Variants in SCFD2 observed in about 807,000 individuals in gnomAD.
The protein encoded by SCFD2 is sec1 family domain containing 2, also known as sec1 family domain-containing protein 2.
SCFD2 carries 54 observed loss-of-function variants against 58.9 expected under a neutral mutation model. The ratio of observed to expected loss-of-function variants is 0.92; its 90% CI spans 0.74 to 1.15. The LOEUF (loss-of-function observed/expected upper bound fraction) is 1.15, where lower values mean the gene tolerates loss of function less well. SCFD2 is among the 50% of genes most tolerant of loss of function. SCFD2 has a pLI of 0.00. For missense variants in SCFD2, 805 were observed against 836.6 expected (o/e 0.96, Z 0.47); for synonymous variants, 321 against 335.9 (o/e 0.96, Z 0.49).
intron 8 of SCFD2, among the ~76,000 whole-genome samples, chr4:52,880,074 G>A (rs1374648837): frequency 1.3e-5 from 2 of 152,146 alleles, no homozygotes; most frequent in African/African-American, 2.4e-5. Flanking sequence ...CAGTGGATTA[G>A]CCTTACTGAA....
chr4:53,058,201 A>G (rs1244399995), intron 5 of SCFD2, among the ~76,000 whole-genome samples: 1 of 152,166 alleles, frequency 6.6e-6, no homozygotes, highest in African/African-American at 2.4e-5. Flanking sequence ...TGCTACTATT[A>G]TAGAGATTAT....
At chr4:53,327,961 T>A (rs1458514107) in intron 2 of SCFD2, among the ~76,000 whole-genome samples, 3 of 151,810 alleles carry the variant, frequency 2.0e-5, no homozygotes, top group South Asian at 4.2e-4. Context: ...AAACCCTGTC[T>A]CTACTAAAAA....
At chr4:53,046,733 T>C (rs1005358801) in intron 5 of SCFD2, among the ~76,000 whole-genome samples, 2 of 152,064 alleles carry the variant, frequency 1.3e-5, no homozygotes, top group African/African-American at 4.8e-5. Context: ...AATGGCATGA[T>C]CTCGGCTCAC....
intron 4 of SCFD2, among the ~76,000 whole-genome samples, chr4:53,156,900 C>G (rs1726707088): frequency 6.6e-6 from 1 of 152,230 alleles, no homozygotes; most frequent in Admixed American, 6.5e-5. Flanking sequence ...TCTCTTCTTT[C>G]ATGCAATAGC....
intron 5 of SCFD2, among the ~76,000 whole-genome samples, chr4:53,079,831 T>C (rs866055404): frequency 1.3e-5 from 2 of 152,160 alleles, no homozygotes; most frequent in South Asian, 4.1e-4. Context: ...CCATTATAAA[T>C]CATCATTGAG....
At chr4:52,927,591 T>G (rs1480748695) in intron 5 of SCFD2, among the ~76,000 whole-genome samples, 2 of 152,254 alleles carry the variant, frequency 1.3e-5, no homozygotes, top group Non-Finnish European at 1.5e-5. Flanking sequence ...GAGACAATTT[T>G]CTTTTTGAGT....
At chr4:53,106,168 G>A (rs1728863384) in intron 5 of SCFD2, among the ~76,000 whole-genome samples, 1 of 152,134 alleles carries the variant, frequency 6.6e-6, no homozygotes, top group South Asian at 2.1e-4. Flanking sequence ...GAAAGGAATA[G>A]CATCAACATC....
intron 4 of SCFD2, among the ~76,000 whole-genome samples, chr4:53,261,766 T>C (rs1165088017): frequency 6.6e-6 from 1 of 152,192 alleles, no homozygotes; most frequent in Non-Finnish European, 1.5e-5. Flanking sequence ...TTAAGTCCAT[T>C]GTTTCTTTGT....
chr4:53,099,391 T>C (rs1476922221), intron 5 of SCFD2, among the ~76,000 whole-genome samples: 1 of 152,218 alleles, frequency 6.6e-6, no homozygotes, highest in East Asian at 1.9e-4. Flanking sequence ...TTAAATATCC[T>C]CTAATGGGTA....
At chr4:53,010,744 A>G (rs1722075543) in intron 5 of SCFD2, among the ~76,000 whole-genome samples, 1 of 152,166 alleles carries the variant, frequency 6.6e-6, no homozygotes, top group South Asian at 2.1e-4. Context: ...GAAAGTTTTC[A>G]TTCCTTTTGC....
At chr4:53,004,630 T>C (rs1158707050) in intron 5 of SCFD2, among the ~76,000 whole-genome samples, 1 of 152,104 alleles carries the variant, frequency 6.6e-6, no homozygotes, top group Admixed American at 6.5e-5. Flanking sequence ...TTTGAAAGCA[T>C]TGATTATGTG....
At chr4:53,237,985 C>T (rs1333928224) in intron 4 of SCFD2, among the ~76,000 whole-genome samples, 9 of 129,594 alleles carry the variant, frequency 6.9e-5, no homozygotes, top group South Asian at 2.5e-4. Context: ...CCGGACGGGG[C>T]GGCTGGCCGG....
chr4:52,887,617 G>A (rs553088444), intron 7 of SCFD2, among the ~76,000 whole-genome samples: 1 of 152,316 alleles, frequency 6.6e-6, no homozygotes, highest in African/African-American at 2.4e-5. Context: ...AATGGAGCAT[G>A]CATGGAGTCC....
intron 5 of SCFD2, among the ~76,000 whole-genome samples, chr4:53,080,576 T>A (rs1423469237): frequency 6.6e-6 from 1 of 152,180 alleles, no homozygotes. Context: ...AAGGGTTTGA[T>A]AAGCAGGGAG....
chr4:53,109,366 G>A (rs112183214), intron 5 of SCFD2, among the ~76,000 whole-genome samples: 1,916 of 152,210 alleles, frequency 0.013, 41 homozygotes, highest in African/African-American at 0.044. Flanking sequence ...GTTCTGGCCA[G>A]GGCAATCAGG....
intron 5 of SCFD2, among the ~76,000 whole-genome samples, chr4:52,921,722 G>A (rs527492905): frequency 6.6e-6 from 1 of 152,218 alleles, no homozygotes; most frequent in South Asian, 2.1e-4. Flanking sequence ...TGTCCCCTGC[G>A]AGAGTGGTAA....
chr4:53,217,569 A>G (rs1340724764), intron 4 of SCFD2, among the ~76,000 whole-genome samples: 1 of 152,182 alleles, frequency 6.6e-6, no homozygotes, highest in Non-Finnish European at 1.5e-5. Flanking sequence ...TGAATACAGC[A>G]CACTGATGGG....
At chr4:53,091,208 A>G (rs1724459864) in intron 5 of SCFD2, among the ~76,000 whole-genome samples, 3 of 152,132 alleles carry the variant, frequency 2.0e-5, no homozygotes, top group African/African-American at 7.2e-5. Context: ...GTCTCTGAAG[A>G]TTGCTGAAAG....
chr4:53,247,717 C>T (rs1293946962), intron 4 of SCFD2, among the ~76,000 whole-genome samples: 6 of 149,870 alleles, frequency 4.0e-5, no homozygotes, highest in Admixed American at 1.3e-4. Flanking sequence ...AAAAATTAGC[C>T]GGGCGCGGTG....
Sources: gnomAD v4.1 joint callset for allele counts (sites outside exome capture counted in the v4.1 genomes callset) on GRCh38, gnomAD v4.1.1 for gene constraint, MANE v1.5 for transcripts, NCBI Gene and HGNC (gene_info 2026-07-23, HGNC 2026-07-21) for gene names.